Variants in LYPLA1 observed in about 807,000 individuals in gnomAD.
LYPLA1 encodes lysophospholipase 1.
LYPLA1 carries 17 observed loss-of-function variants against 34.0 expected under a neutral mutation model. The ratio of observed to expected loss-of-function variants is 0.50; its 90% confidence interval spans 0.34 to 0.75. The LOEUF is 0.75. Ranked by LOEUF, LYPLA1 falls within the 30% of genes least tolerant of loss-of-function variation. LYPLA1 has a pLI of 0.01. For missense variants in LYPLA1, 203 were observed against 288.8 expected, an observed-to-expected ratio of 0.70 and a Z score of 2.15; for synonymous variants, 98 against 100.8, an observed-to-expected ratio of 0.97 and a Z score of 0.17.
chr8:54,049,410 CTT>C (rs1469763271), intron 8 of LYPLA1, among the ~76,000 whole-genome samples: 1 of 152,050 alleles, frequency 6.6e-6, no homozygotes, highest in Non-Finnish European at 1.5e-5. Flanking sequence ...TCCATCCTTT[CTT>C]TCTTTTTTTT....
At chr8:54,069,289 G>A (rs775127587) in intron 2 of LYPLA1, among the ~76,000 whole-genome samples, 1 of 152,192 alleles carries the variant, frequency 6.6e-6, no homozygotes, top group Admixed American at 6.5e-5. Flanking sequence ...TGTTTGAGGT[G>A]ATGGATATGC....
downstream of LYPLA1, chr8:54,045,452 T>A (rs1805454100): frequency 6.6e-6 from 1 of 152,208 alleles, no homozygotes; most frequent in South Asian, 2.1e-4. Flanking sequence ...AAAAGGATCA[T>A]GAACTAAAGA....
intron 2 of LYPLA1, among the ~76,000 whole-genome samples, chr8:54,069,713 T>TA (rs74504176): frequency 9.6e-4 from 134 of 140,272 alleles, no homozygotes; most frequent in South Asian, 3.2e-3. Flanking sequence ...CTGTCTCGTT[T>TA]AAAAAAAAAA....
chr8:54,073,921 T>G (rs1018454754), intron 2 of LYPLA1, among the ~76,000 whole-genome samples: 9 of 152,188 alleles, frequency 5.9e-5, no homozygotes, highest in Non-Finnish European at 5.9e-5. Flanking sequence ...AATCCTAATG[T>G]GGACCTTAGG....
At chr8:54,065,265 C>T (rs1213838478) in intron 3 of LYPLA1, among the ~76,000 whole-genome samples, 1 of 152,028 alleles carries the variant, frequency 6.6e-6, no homozygotes, top group East Asian at 1.9e-4. Flanking sequence ...TGAGAATAGC[C>T]TGGCCAACAT....
chr8:54,092,250 GAGA>G (rs1563665688), intron 2 of LYPLA1, among the ~76,000 whole-genome samples: 1 of 150,286 alleles, frequency 6.7e-6, no homozygotes, highest in Non-Finnish European at 1.5e-5. Context: ...AAAGAAGGAA[GAGA>G]AGGAGAAGGA....
At chr8:54,094,534 A>T (rs1809534421) in intron 2 of LYPLA1, among the ~76,000 whole-genome samples, 1 of 152,228 alleles carries the variant, frequency 6.6e-6, no homozygotes. Context: ...AATCATTATA[A>T]ACTCAAGATT....
intron 2 of LYPLA1, among the ~76,000 whole-genome samples, chr8:54,085,671 C>A (rs1808678548): frequency 6.6e-6 from 1 of 151,112 alleles, no homozygotes; most frequent in African/African-American, 2.4e-5. Context: ...CCCGCCGTCA[C>A]CCCGTCCGGG....
rs778134971 is a variant in LYPLA1 at position 54,046,484 on chromosome 8, T to C, written c.*1581A>G. 1 of 152,624 alleles carries C rather than the reference T, an allele frequency of 6.6e-6. No individual in the cohort carries two copies. The highest frequency in any genetic ancestry group is 1.5e-5 in the Non-Finnish European group (1 of 68,028). The allele number at this position is 152,624 out of a possible 1,614,324, so 9.5% of individuals were successfully genotyped here. The stretch of plus-strand genomic sequence containing the variant: ...GGAATATTTCTTGCCATAAATAATA[T>C]CTTGCTGATTTGTAGAAGTGAAATA... On this transcript the variant is annotated 3_prime_UTR_variant, in exon 9 of 9. Transcript: ENST00000316963.
chr8:54,077,077 A>G (rs1312942276), intron 2 of LYPLA1, among the ~76,000 whole-genome samples: 1 of 152,160 alleles, frequency 6.6e-6, no homozygotes, highest in Admixed American at 6.6e-5. Context: ...CAGCAAAGAC[A>G]TTAAATCACC....
At chr8:54,101,647 G>A (rs890054176) in intron 1 of LYPLA1, 108 bp downstream of exon 1, 1 of 1,157,386 alleles carries the variant, frequency 8.6e-7, no homozygotes, top group Non-Finnish European at 1.1e-6. Context: ...CGGGAGGAGC[G>A]TCCTCGTCCG....
intron 5 of LYPLA1, among the ~76,000 whole-genome samples, chr8:54,055,673 T>G (rs1422184451): frequency 6.6e-6 from 1 of 150,704 alleles, no homozygotes. Context: ...AGACAAAGTC[T>G]CGCTCTGTCA....
intron 1 of LYPLA1, 34 bp downstream of exon 1, chr8:54,101,721 T>G: frequency 7.8e-7 from 1 of 1,282,654 alleles, no homozygotes. Flanking sequence ...GCCGGCCCAG[T>G]GGACCCCTCC....
At chr8:54,086,583 G>T (rs902129793) in intron 2 of LYPLA1, among the ~76,000 whole-genome samples, 1 of 123,084 alleles carries the variant, frequency 8.1e-6, no homozygotes, top group Non-Finnish European at 1.6e-5. Flanking sequence ...AAAAAAGACA[G>T]CCAGGTGTGA....
intron 2 of LYPLA1, among the ~76,000 whole-genome samples, chr8:54,082,878 C>T (rs1389848530): frequency 6.6e-6 from 1 of 152,122 alleles, no homozygotes; most frequent in African/African-American, 2.4e-5. Flanking sequence ...AGGTACCCGC[C>T]ACTACGCCTG....
Position 54,087,692 on chromosome 8 carries a change from A to G in LYPLA1, c.101+13216T>C, listed in dbSNP as rs186321018. ...ACAACAAAAAGGCAACCCAATTTTT[A>G]AAACGGCAAAGGATCTGAACAGATA... On this transcript the variant is annotated intron_variant, in intron 2 of 8. Transcript: ENST00000316963. Among the ~76,000 whole-genome samples, 4 of 152,384 alleles carry G rather than the reference A, an allele frequency of 2.6e-5. No homozygotes were observed. The East Asian group carries it at 7.7e-4, about 29-fold the overall frequency.
At chr8:54,051,387 T>TTA (rs1391577278) in intron 7 of LYPLA1, among the ~76,000 whole-genome samples, 199 bp from the exon 8 acceptor site, 2 of 152,202 alleles carry the variant, frequency 1.3e-5, no homozygotes, top group Non-Finnish European at 2.9e-5. Context: ...TTGCCTCATA[T>TTA]TATAATATAT....
intron 2 of LYPLA1, among the ~76,000 whole-genome samples, chr8:54,091,623 AGGAG>A (rs748631459): frequency 1.8e-4 from 27 of 146,576 alleles, no homozygotes; most frequent in Non-Finnish European, 4.1e-4. Context: ...GAAGGAAGGA[AGGAG>A]AAATACTAAG....
chr8:54,084,441 C>T (rs757576010), intron 2 of LYPLA1, among the ~76,000 whole-genome samples: 2 of 151,280 alleles, frequency 1.3e-5, no homozygotes, highest in East Asian at 4.0e-4. Context: ...TGTGGTGGCA[C>T]GTGCCTGTAG....
Sources: gnomAD v4.1 joint callset for allele counts (sites outside exome capture counted in the v4.1 genomes callset) on GRCh38, gnomAD v4.1.1 for gene constraint, MANE v1.5 for transcripts, NCBI Gene and HGNC (gene_info 2026-07-23, HGNC 2026-07-21) for gene names.